Variants in SAMMSON observed in about 807,000 individuals in gnomAD.
SAMMSON encodes the protein survival associated mitochondrial melanoma specific oncogenic non-coding RNA.
chr3:70,033,820 A>G (rs896788419), intron 3 of SAMMSON, among the ~76,000 whole-genome samples: 1 of 152,186 alleles, frequency 6.6e-6, no homozygotes, highest in African/African-American at 2.4e-5. Context: ...GTTGTCATCT[A>G]GCTTTTTAGC....
chr3:70,320,824 C>T (rs780478838), intron 7 of SAMMSON, among the ~76,000 whole-genome samples: 10 of 152,030 alleles, frequency 6.6e-5, no homozygotes, highest in South Asian at 2.1e-4. Flanking sequence ...TCAGCTAGGG[C>T]GGCCTGTTTG....
chr3:70,305,090 G>T (rs1341644459), intron 7 of SAMMSON, among the ~76,000 whole-genome samples: 3 of 151,990 alleles, frequency 2.0e-5, no homozygotes, highest in Non-Finnish European at 4.4e-5. Flanking sequence ...GATTCTAAAG[G>T]ATAGTCCTCA....
intron 3 of SAMMSON, chr3:70,014,339 CT>C (rs1193466435): frequency 6.6e-6 from 1 of 152,148 alleles, no homozygotes; most frequent in Non-Finnish European, 1.5e-5. Flanking sequence ...ATAAATAAAA[CT>C]TGGCAACTGA....
At chr3:70,172,127 G>A (rs1158346479) in intron 4 of SAMMSON, among the ~76,000 whole-genome samples, 1 of 151,810 alleles carries the variant, frequency 6.6e-6, no homozygotes, top group Non-Finnish European at 1.5e-5. Flanking sequence ...ACTTTCTATT[G>A]AGCTTCATTC....
chr3:70,292,439 A>C (rs1702247445), intron 7 of SAMMSON, among the ~76,000 whole-genome samples: 1 of 152,150 alleles, frequency 6.6e-6, no homozygotes, highest in Non-Finnish European at 1.5e-5. Flanking sequence ...GTTAAGCATG[A>C]TATCACTAGT....
chr3:70,307,121 A>C (rs985808826), intron 7 of SAMMSON, among the ~76,000 whole-genome samples: 3 of 152,168 alleles, frequency 2.0e-5, no homozygotes, highest in Non-Finnish European at 4.4e-5. Context: ...CAGAAGCTGC[A>C]AACTGGCAGT....
At chr3:70,013,157 G>C (rs2066965580) in intron 2 of SAMMSON, among the ~76,000 whole-genome samples, 1 of 152,130 alleles carries the variant, frequency 6.6e-6, no homozygotes, top group Non-Finnish European at 1.5e-5. Flanking sequence ...ATGTGATGAT[G>C]ATGATGATGA....
At chr3:70,344,779 C>A (rs1702738463) in intron 7 of SAMMSON, among the ~76,000 whole-genome samples, 1 of 152,172 alleles carries the variant, frequency 6.6e-6, no homozygotes, top group South Asian at 2.1e-4. Flanking sequence ...AGGAGCCACA[C>A]CCCTGTCGCA....
At chr3:70,254,810 C>T (rs1484388693) in intron 6 of SAMMSON, among the ~76,000 whole-genome samples, 1 of 152,150 alleles carries the variant, frequency 6.6e-6, no homozygotes, top group Non-Finnish European at 1.5e-5. Context: ...TTCTTCTATA[C>T]AAGATTTATG....
At chr3:70,354,384 TGAA>T (rs1319675445) in intron 8 of SAMMSON, 1 of 152,118 alleles carries the variant, frequency 6.6e-6, no homozygotes. Flanking sequence ...TGAGATCAAA[TGAA>T]GAGTAAAATG....
chr3:70,390,198 T>C (rs1464754188), downstream of SAMMSON, among the ~76,000 whole-genome samples: 1 of 152,170 alleles, frequency 6.6e-6, no homozygotes, highest in African/African-American at 2.4e-5. Flanking sequence ...ATTTGTAATA[T>C]GAATTAAAAT....
intron 6 of SAMMSON, among the ~76,000 whole-genome samples, chr3:70,273,325 T>C (rs1456164236): frequency 1.3e-5 from 2 of 152,212 alleles, no homozygotes; most frequent in African/African-American, 2.4e-5. Context: ...TATGTGTTTA[T>C]ATAGTACTTA....
intron 3 of SAMMSON, among the ~76,000 whole-genome samples, chr3:70,039,597 A>T (rs1297274534): frequency 2.1e-4 from 2 of 9,696 alleles, no homozygotes; most frequent in African/African-American, 2.8e-4. Flanking sequence ...ATCTCTTCAC[A>T]CACACACACA....
chr3:70,273,818 T>A (rs1393185727), intron 6 of SAMMSON, among the ~76,000 whole-genome samples: 1 of 152,180 alleles, frequency 6.6e-6, no homozygotes, highest in Non-Finnish European at 1.5e-5. Context: ...GTTTTGTTTT[T>A]CCAAGGCAGA....
intron 3 of SAMMSON, among the ~76,000 whole-genome samples, chr3:70,067,967 G>A (rs1272689033): frequency 6.6e-6 from 1 of 151,988 alleles, no homozygotes; most frequent in Non-Finnish European, 1.5e-5. Flanking sequence ...ACAATTTGTA[G>A]TGGTGGGGGT....
chr3:70,296,459 C>T (rs1016487424), intron 7 of SAMMSON, among the ~76,000 whole-genome samples: 4 of 152,092 alleles, frequency 2.6e-5, no homozygotes, highest in African/African-American at 9.7e-5. Context: ...TAGAACCCAT[C>T]ACCTCTCACA....
At chr3:70,197,755 T>C (rs1204240566) in intron 4 of SAMMSON, among the ~76,000 whole-genome samples, 3 of 152,252 alleles carry the variant, frequency 2.0e-5, no homozygotes, top group Admixed American at 6.5e-5. Flanking sequence ...TTGTGTTTTA[T>C]TTTTAATCTC....
intron 9 of SAMMSON, among the ~76,000 whole-genome samples, chr3:70,385,790 A>G (rs1180712558): frequency 6.6e-6 from 1 of 152,120 alleles, no homozygotes; most frequent in Non-Finnish European, 1.5e-5. Flanking sequence ...TTAAGCTCCT[A>G]AAGTACAGAT....
intron 4 of SAMMSON, among the ~76,000 whole-genome samples, chr3:70,186,263 ATTT>A (rs11318266): frequency 6.9e-6 from 1 of 144,442 alleles, no homozygotes; most frequent in African/African-American, 2.6e-5. Context: ...CAATAATGGG[ATTT>A]TTTTTTTTTT....
Sources: gnomAD v4.1 joint callset for allele counts (sites outside exome capture counted in the v4.1 genomes callset) on GRCh38, gnomAD v4.1.1 for gene constraint, MANE v1.5 for transcripts, NCBI Gene and HGNC (gene_info 2026-07-23, HGNC 2026-07-21) for gene names.